The following PLCL1 variants were observed in gnomAD, a reference collection of about 807,000 sequenced individuals.
PLCL1 encodes phospholipase C like 1 (inactive), also known as inactive phospholipase C-like protein 1.
Under a neutral mutation model 84.4 loss-of-function variants are expected in PLCL1, and 41 were observed. That is an observed-to-expected ratio of 0.49 (90% CI 0.38 to 0.63). The LOEUF is 0.63. Among genes scored for constraint, PLCL1 ranks in the 30% least tolerant of loss-of-function variants. The pLI, the probability that PLCL1 is intolerant of heterozygous loss-of-function variation, is 0.00. For synonymous variants in PLCL1, 490 were observed against 488.3 expected (o/e 1.00, Z -0.05); for missense variants, 1,206 against 1,367.8 (o/e 0.88, Z 1.87).
intron 1 of PLCL1, among the ~76,000 whole-genome samples, chr2:197,814,658 T>C (rs978636342): frequency 2.0e-5 from 3 of 152,188 alleles, no homozygotes; most frequent in African/African-American, 7.2e-5. Context: ...TGAGATAGGC[T>C]GAAAGGTAGG....
chr2:197,806,051 C>G (rs899716809), intron 1 of PLCL1, among the ~76,000 whole-genome samples: 3 of 152,264 alleles, frequency 2.0e-5, no homozygotes, highest in Non-Finnish European at 2.9e-5. Flanking sequence ...CCTCCCCTTT[C>G]TCTTTCCATC....
chr2:198,001,485 A>AATC (rs1690599345), intron 1 of PLCL1, among the ~76,000 whole-genome samples: 1 of 152,152 alleles, frequency 6.6e-6, no homozygotes, highest in Non-Finnish European at 1.5e-5. Context: ...CCTCATCTCA[A>AATC]AGATAATTAT....
chr2:197,926,540 CTT>C (rs1574952578), intron 1 of PLCL1, among the ~76,000 whole-genome samples: 1 of 152,158 alleles, frequency 6.6e-6, no homozygotes, highest in East Asian at 1.9e-4. Context: ...AAATTTGTCT[CTT>C]TAACTTTGTA....
At chr2:198,136,756 A>G (rs1448476491) in intron 5 of PLCL1, among the ~76,000 whole-genome samples, 2 of 152,106 alleles carry the variant, frequency 1.3e-5, no homozygotes, top group Non-Finnish European at 2.9e-5. Context: ...CCTGTCATGA[A>G]TATGATTCAT....
intron 1 of PLCL1, among the ~76,000 whole-genome samples, chr2:198,037,439 C>T (rs1055554679): frequency 6.6e-6 from 1 of 152,162 alleles, no homozygotes; most frequent in African/African-American, 2.4e-5. Context: ...TAGTTTTGTT[C>T]GACCTTGCAT....
intron 5 of PLCL1, among the ~76,000 whole-genome samples, chr2:198,112,550 C>T (rs1693647515): frequency 6.6e-6 from 1 of 151,860 alleles, no homozygotes; most frequent in African/African-American, 2.4e-5. Flanking sequence ...AGCCACAGTT[C>T]TACTGTTCAG....
chr2:198,067,252 T>A (rs2105882121), intron 1 of PLCL1, among the ~76,000 whole-genome samples: 1 of 151,776 alleles, frequency 6.6e-6, no homozygotes, highest in Non-Finnish European at 1.5e-5. Context: ...CTCAGCCTCC[T>A]GAGTAGCTGG....
At position 198,083,757 on chromosome 2, in the gene PLCL1, G is replaced by C; in HGVS notation, c.241-1G>C. 1 of 1,568,858 alleles carries C rather than the reference G, an allele frequency of 6.4e-7. No homozygotes were observed. Among genetic ancestry groups the C allele is most frequent in the South Asian group, 1.2e-5 (1 of 84,134 alleles). On this transcript the variant is annotated splice_acceptor_variant, in intron 1 of 5. Coordinates refer to ENST00000428675, the MANE Select transcript of PLCL1 (RefSeq NM_006226.4). LOFTEE classifies it high-confidence loss of function. ...TTCATTTTTTTCAAATTATTTTACA[G>C]GATCCTTCAAACCAAAAATGTGGTG...
chr2:198,027,502 G>A lies in PLCL1; in HGVS notation c.241-56256G>A, dbSNP rs191638636. On this transcript the variant is annotated intron_variant, in intron 1 of 5. Coordinates refer to ENST00000428675, the MANE Select transcript of PLCL1 (RefSeq NM_006226.4). ...CTCCAATAGAATAGATTTTAAGTATGCTTATGACAAAAAATGATAAATATA... is the reference window on the plus strand; with the variant it reads ...CTCCAATAGAATAGATTTTAAGTATACTTATGACAAAAAATGATAAATATA... 1.1e-3 allele frequency among the ~76,000 whole-genome samples: 169 copies of A among 152,224 alleles called. 1 individual carries two copies. The highest frequency in any genetic ancestry group is 1.6e-3 in the Non-Finnish European group (106 of 68,006).
chr2:197,937,760 A>C (rs1689079272), intron 1 of PLCL1, among the ~76,000 whole-genome samples: 1 of 151,832 alleles, frequency 6.6e-6, no homozygotes, highest in Non-Finnish European at 1.5e-5. Context: ...GATTAAATAT[A>C]AATCAGTCAG....
chr2:197,887,204 T>C (rs1687938738), intron 1 of PLCL1, among the ~76,000 whole-genome samples: 1 of 152,108 alleles, frequency 6.6e-6, no homozygotes, highest in East Asian at 1.9e-4. Context: ...AAATGAGGAG[T>C]AAACTACAAT....
Position 197,905,868 on chromosome 2 carries a change from C to A in PLCL1, c.240+100529C>A, listed in dbSNP as rs138699719. Among the ~76,000 whole-genome samples, 161 of 152,296 alleles carry A rather than the reference C, an allele frequency of 1.1e-3. No individual in the cohort carries two copies. The East Asian group carries it at 0.026, about 25-fold the overall frequency. On this transcript the variant is annotated intron_variant, in intron 1 of 5. Transcript: ENST00000428675. Reference sequence around the variant, plus strand: ...TGTTTGTTGGCTGCATAAATGTCTTCTTTTGAGAAGTGTCTGTTCATATCC... The same window carrying A: ...TGTTTGTTGGCTGCATAAATGTCTTATTTTGAGAAGTGTCTGTTCATATCC...
intron 1 of PLCL1, among the ~76,000 whole-genome samples, chr2:197,957,774 C>T (rs1211251037): frequency 6.6e-6 from 1 of 151,954 alleles, no homozygotes; most frequent in Non-Finnish European, 1.5e-5. Flanking sequence ...TTTGCCCATG[C>T]CCTTCCTTAT....
chr2:198,028,010 T>A (rs908376730), intron 1 of PLCL1, among the ~76,000 whole-genome samples: 1 of 152,014 alleles, frequency 6.6e-6, no homozygotes, highest in Admixed American at 6.6e-5. Flanking sequence ...ATTTTTTATT[T>A]GTTCATTTAT....
At chr2:198,129,935 G>C (rs1027875818) in intron 5 of PLCL1, among the ~76,000 whole-genome samples, 3 of 152,020 alleles carry the variant, frequency 2.0e-5, no homozygotes, top group Non-Finnish European at 4.4e-5. Context: ...CACTTTTCCA[G>C]TTTTTATCTT....
intron 1 of PLCL1, among the ~76,000 whole-genome samples, chr2:197,934,771 G>T (rs981307040): frequency 6.6e-6 from 1 of 152,086 alleles, no homozygotes; most frequent in South Asian, 2.1e-4. Context: ...CCTCACATAC[G>T]TATCATTCTT....
At chr2:198,128,032 A>G (rs1694031604) in intron 5 of PLCL1, among the ~76,000 whole-genome samples, 1 of 152,196 alleles carries the variant, frequency 6.6e-6, no homozygotes, top group South Asian at 2.1e-4. Context: ...ATGAAACACA[A>G]ATTTGAACAA....
chr2:197,940,988 G>A (rs1380095677), intron 1 of PLCL1, among the ~76,000 whole-genome samples: 1 of 152,064 alleles, frequency 6.6e-6, no homozygotes, highest in Admixed American at 6.5e-5. Context: ...ATCTGATACA[G>A]ATACTTGCTG....
chr2:197,915,609 T>C (rs951411244), intron 1 of PLCL1, among the ~76,000 whole-genome samples: 1 of 151,776 alleles, frequency 6.6e-6, no homozygotes, highest in Non-Finnish European at 1.5e-5. Flanking sequence ...AAGGTGGAGA[T>C]CTTTCTTCTT....
Sources: allele counts gnomAD v4.1 joint callset (sites outside exome capture counted in the v4.1 genomes callset), GRCh38; gene constraint gnomAD v4.1.1; transcripts MANE v1.5; gene names NCBI Gene and HGNC (gene_info 2026-07-23, HGNC 2026-07-21).